KIRREL3: variants seen among roughly 807,000 people sequenced by gnomAD.
The protein encoded by KIRREL3 is kirre like nephrin family adhesion molecule 3, also known as kin of IRRE-like protein 3.
A neutral mutation model predicts 89.7 loss-of-function variants in KIRREL3; 36 were observed. The ratio of observed to expected loss-of-function variants is 0.40; its 90% CI spans 0.31 to 0.53. KIRREL3 has a LOEUF of 0.53. Ranked by LOEUF, KIRREL3 falls within the 20% of genes least tolerant of loss-of-function variation. The probability of loss-of-function intolerance (pLI) is 0.49; values close to 1 mark genes in which losing one functional copy is unlikely to be tolerated. For synonymous variants in KIRREL3, 445 were observed against 441.4 expected (o/e 1.01, Z -0.10); for missense variants, 864 against 1,056.6 (o/e 0.82, Z 2.53).
At chr11:126,444,588 A>G (rs1021928643) in intron 10 of KIRREL3, among the ~76,000 whole-genome samples, 4 of 152,226 alleles carry the variant, frequency 2.6e-5, no homozygotes, top group African/African-American at 9.6e-5. Context: ...GCGAGACTCC[A>G]TCTCAAAAAG....
chr11:126,603,968 T>C (rs1942776569), intron 1 of KIRREL3, among the ~76,000 whole-genome samples: 1 of 152,240 alleles, frequency 6.6e-6, no homozygotes, highest in Non-Finnish European at 1.5e-5. Flanking sequence ...GGATCTGTTT[T>C]GAGATGGCCA....
intron 1 of KIRREL3, among the ~76,000 whole-genome samples, chr11:126,604,347 A>G (rs1395533491): frequency 6.6e-6 from 1 of 152,260 alleles, no homozygotes; most frequent in Admixed American, 6.5e-5. Context: ...TATTCCATAC[A>G]TACTGGCTGC....
intron 1 of KIRREL3, among the ~76,000 whole-genome samples, chr11:126,577,544 C>T (rs879596038): frequency 3.5e-5 from 5 of 140,944 alleles, no homozygotes; most frequent in Admixed American, 1.5e-4. Flanking sequence ...GTCAGGAGAT[C>T]GAGACCAGCC....
chr11:126,555,263 G>C lies in KIRREL3; in HGVS notation c.133+7572C>G, dbSNP rs774906464. Among the ~76,000 whole-genome samples the C allele has an allele frequency of 3.3e-5, 5 of 152,186 alleles. No individual in the cohort carries two copies. The highest frequency in any genetic ancestry group is 4.8e-5 in the African/African-American group (2 of 41,448). On this transcript the variant is annotated intron_variant, in intron 2 of 16. Coordinates refer to ENST00000525144, the MANE Select transcript of KIRREL3 (RefSeq NM_032531.4). The surrounding 1 kb of genome is among the most constrained non-coding windows in gnomAD (Gnocchi z 4.2). ...GCTCACACACTCCCTCTCTCAAGCA[G>C]TGGCCAGAGGTAGGCTGAGTGAAAC...
intron 1 of KIRREL3, among the ~76,000 whole-genome samples, chr11:126,765,893 C>T (rs1044316440): frequency 6.6e-6 from 1 of 152,108 alleles, no homozygotes; most frequent in Admixed American, 6.5e-5. Context: ...TCCCAATTTG[C>T]TACCTGGGCA....
At chr11:126,592,379 T>C (rs1485952601) in intron 1 of KIRREL3, among the ~76,000 whole-genome samples, 1 of 152,220 alleles carries the variant, frequency 6.6e-6, no homozygotes, top group Non-Finnish European at 1.5e-5. Flanking sequence ...GGTACCATTG[T>C]TCCCTTTATA....
chr11:126,748,578 G>A lies in KIRREL3; in HGVS notation c.56-185666C>T, dbSNP rs1326072634. 3.9e-5 allele frequency among the ~76,000 whole-genome samples: 6 copies of A among 152,292 alleles called. 1 individual carries two copies. In the South Asian group the frequency reaches 1.0e-3, roughly 26 times the overall value. ...ATTAATATTGTTGAAGGGCAAGGGC[G>A]GGGCAGGAAGGGAGGGAATCGTGTG... On this transcript the variant is annotated intron_variant, in intron 1 of 16. Transcript: ENST00000525144. This position sits in a 1 kb window ranked among gnomAD's most constrained non-coding sequence, Gnocchi z 4.6.
chr11:126,917,438 G>T lies in KIRREL3; in HGVS notation c.55+83017C>A, dbSNP rs1947085434. 2.0e-5 allele frequency among the ~76,000 whole-genome samples: 3 copies of T among 151,964 alleles called. No homozygotes were observed. The highest frequency in any genetic ancestry group is 2.0e-4 in the Admixed American group (3 of 15,260). ...GCCACTAAACCGTATACTTAAAAGT[G>T]GTTAAAATGTCAAATTTCATGTTGT... is the stretch of plus-strand genomic sequence containing the variant. On this transcript the variant is annotated intron_variant, in intron 1 of 16. Transcript: ENST00000525144. The surrounding 1 kb of genome is among the most constrained non-coding windows in gnomAD (Gnocchi z 5.0).
chr11:126,505,430 G>T (rs1957989340), intron 4 of KIRREL3, among the ~76,000 whole-genome samples: 1 of 152,122 alleles, frequency 6.6e-6, no homozygotes. Flanking sequence ...AATTAGCCAG[G>T]CGTGGTGGTG....
chr11:126,446,267 TC>T (rs1361581309), intron 9 of KIRREL3, among the ~76,000 whole-genome samples: 14 of 43,524 alleles, frequency 3.2e-4, no homozygotes, highest in African/African-American at 8.9e-4. Context: ...TTTCTTTCTC[TC>T]TCTTTCTTTT....
chr11:126,687,407 T>C lies in KIRREL3; in HGVS notation c.56-124495A>G, dbSNP rs1200501658. On this transcript the variant is annotated intron_variant, in intron 1 of 16. Coordinates refer to ENST00000525144, the MANE Select transcript of KIRREL3 (RefSeq NM_032531.4). The surrounding 1 kb of genome is among the most constrained non-coding windows in gnomAD (Gnocchi z 4.6). ...TTTAAAAAATTTATATTTTTAACCTTGATACCCAAGAAAGCAGGAAATCTC... is the reference window on the plus strand; with the variant it reads ...TTTAAAAAATTTATATTTTTAACCTCGATACCCAAGAAAGCAGGAAATCTC... 6.6e-6 allele frequency among the ~76,000 whole-genome samples: 1 copy of C among 152,180 alleles called. No individual in the cohort carries two copies. The highest frequency in any genetic ancestry group is 1.5e-5 in the Non-Finnish European group (1 of 68,032).
In KIRREL3 at chr11:126,555,521, C is replaced by T. The variant is rs146992483; in HGVS notation, c.133+7314G>A. ...CTTGAGCTGTGATTTGAAGGATGAGCGGGAATTACCAGGTGAAGGGTTTGG... is the reference window on the plus strand; with the variant it reads ...CTTGAGCTGTGATTTGAAGGATGAGTGGGAATTACCAGGTGAAGGGTTTGG... On this transcript the variant is annotated intron_variant, in intron 2 of 16. Transcript: ENST00000525144. This position sits in a 1 kb window ranked among gnomAD's most constrained non-coding sequence, Gnocchi z 4.2. Among the ~76,000 whole-genome samples the T allele has an allele frequency of 9.0e-3, 1,374 of 152,050 alleles. 22 individuals are homozygous for T. The highest frequency in any genetic ancestry group is 0.031 in the African/African-American group (1,266 of 41,448).
At chr11:126,433,064 A>G (rs1348044268) in intron 13 of KIRREL3, among the ~76,000 whole-genome samples, 1 of 152,126 alleles carries the variant, frequency 6.6e-6, no homozygotes, top group Admixed American at 6.5e-5. Context: ...TTTTTAGTAG[A>G]GATAGGGTTT....
rs1182753061 is a variant in KIRREL3, at chr11:126,428,301, A to C, written c.1806+878T>G. ...CCAACATGTTACGACCGAGGCAACC[A>C]GAAACTTCTAGCATGGTTGTCCAGG... is the stretch of plus-strand genomic sequence containing the variant. On this transcript the variant is annotated intron_variant, in intron 15 of 16. Coordinates refer to ENST00000525144, the MANE Select transcript of KIRREL3 (RefSeq NM_032531.4). The surrounding 1 kb of genome is among the most constrained non-coding windows in gnomAD (Gnocchi z 6.4). Among the ~76,000 whole-genome samples the C allele has an allele frequency of 6.6e-6, 1 of 152,098 alleles. No individual in the cohort carries two copies.
intron 1 of KIRREL3, among the ~76,000 whole-genome samples, chr11:126,701,255 CTGG>C: frequency 6.6e-6 from 1 of 152,106 alleles, no homozygotes; most frequent in South Asian, 2.1e-4. Flanking sequence ...TGATGAATTC[CTGG>C]GTATGCCAAT....
Position 126,814,009 on chromosome 11 carries a change from A to G in KIRREL3, c.55+186446T>C, listed in dbSNP as rs1951479147. 1.3e-5 allele frequency among the ~76,000 whole-genome samples: 2 copies of G among 152,164 alleles called. No individual in the cohort carries two copies. Among genetic ancestry groups the G allele is most frequent in the South Asian group, 4.1e-4 (2 of 4,832 alleles). On this transcript the variant is annotated intron_variant, in intron 1 of 16. Coordinates refer to ENST00000525144, the MANE Select transcript of KIRREL3 (RefSeq NM_032531.4). This position sits in a 1 kb window ranked among gnomAD's most constrained non-coding sequence, Gnocchi z 4.4. Reference sequence around the variant, plus strand: ...GAATGGGAGAAAATTTTTGCAGTCTATTCAACTGACAAAGGTCTAATATCC... The same window carrying G: ...GAATGGGAGAAAATTTTTGCAGTCTGTTCAACTGACAAAGGTCTAATATCC...
intron 1 of KIRREL3, among the ~76,000 whole-genome samples, chr11:126,585,865 A>G (rs1941823413): frequency 6.6e-6 from 1 of 152,242 alleles, no homozygotes. Context: ...AAGCTCCCGC[A>G]CGGAACGTGA....
chr11:126,859,991 T>C (rs1228563861), intron 1 of KIRREL3, among the ~76,000 whole-genome samples: 1 of 152,252 alleles, frequency 6.6e-6, no homozygotes, highest in Non-Finnish European at 1.5e-5. Flanking sequence ...TTTTCTGCTC[T>C]GATTTACCTT....
chr11:126,885,049 C>T (rs1945647049), intron 1 of KIRREL3, among the ~76,000 whole-genome samples: 1 of 152,150 alleles, frequency 6.6e-6, no homozygotes, highest in East Asian at 1.9e-4. Flanking sequence ...ATAGAGAAGG[C>T]CCTTGGATTC....
Sources: gnomAD v4.1 joint callset for allele counts (sites outside exome capture counted in the v4.1 genomes callset) on GRCh38, gnomAD v4.1.1 for gene constraint, Gnocchi (gnomAD v3.1) non-coding constraint, MANE v1.5 for transcripts, NCBI Gene and HGNC (gene_info 2026-07-23, HGNC 2026-07-21) for gene names.